PKN3: variants seen among roughly 807,000 people sequenced by gnomAD.
PKN3 encodes protein kinase N3.
PKN3 carries 91 observed loss-of-function variants against 113.1 expected under a neutral mutation model. The ratio of observed to expected loss-of-function variants is 0.80; its 90% CI spans 0.68 to 0.96. The LOEUF (loss-of-function observed/expected upper bound fraction) is 0.96, where lower values mean the gene tolerates loss of function less well. PKN3 is among the 40% of genes least tolerant of loss of function. The pLI, the probability that PKN3 is intolerant of heterozygous loss-of-function variation, is 0.00. For missense variants in PKN3, 1,052 were observed against 1,202.2 expected, an observed-to-expected ratio of 0.88 and a Z score of 1.85; for synonymous variants, 467 against 499.0, an observed-to-expected ratio of 0.94 and a Z score of 0.85.
At position 128,706,910 on chromosome 9, in the gene PKN3, G is replaced by A. The variant is rs774953118; in HGVS notation, c.538G>A (p.Ala180Thr). 4 of 1,614,060 alleles carry A rather than the reference G, an allele frequency of 2.5e-6. No individual in the cohort carries two copies. Among genetic ancestry groups the A allele is most frequent in the Non-Finnish European group, 3.4e-6 (4 of 1,180,046 alleles). ...CCTTCCCACAGGGCCTGAGCTGCTG[G>A]CGGAGGAGCTACAGCATCGACTGCA... ...GSPEPGPELL[A>T]EELQHRLHVE... is the part of the protein sequence containing the mutation. Residue 180 changes from alanine to threonine, a missense_variant, in exon 5 of 22, where the codon GCG becomes ACG. Physicochemically the swap from Ala to Thr is moderately conservative, Grantham distance 58 (BLOSUM62 0). Around this residue, in one of 2 missense-constraint regions of PKN3, gnomAD observed 719 missense variants for 759.4 expected, o/e 0.95. Transcript: ENST00000291906.
Position 128,720,223 on chromosome 9 carries a change from G to A in PKN3, c.2397G>A (p.Glu799=). 6.2e-7 allele frequency: 1 copy of A among 1,613,826 alleles called. No individual in the cohort carries two copies. The highest frequency in any genetic ancestry group is 8.5e-7 in the Non-Finnish European group (1 of 1,179,982). The change falls in exon 21 of 22, where the codon GAG becomes GAA. Residue 799 remains glutamate (E), a synonymous_variant. Transcript: ENST00000291906. The surrounding 1 kb of genome is among the most constrained non-coding windows in gnomAD (Gnocchi z 5.5). ...CCCAGCTCCTCCAGAAGTGCCCGGAGAAGCGCCTCGGGGCAGGTGAGCAGG... is the reference window on the plus strand; with the variant it reads ...CCCAGCTCCTCCAGAAGTGCCCGGAAAAGCGCCTCGGGGCAGGTGAGCAGG... ...FIQKLLQKCP[E]KRLGAGEQDA...
chr9:128,714,400 TCTGTGG>T, intron 11 of PKN3, 35 bp downstream of exon 11: 1 of 1,564,822 alleles, frequency 6.4e-7, no homozygotes, highest in Non-Finnish European at 8.8e-7. Flanking sequence ...TGCATGCTCC[TCTGTGG>T]CGGCTTCCTG....
chr9:128,714,582 C>A lies in PKN3; in HGVS notation c.1502C>A (p.Thr501Asn), dbSNP rs1185433021. ...ATPSNFLPKK[T>N]PLGEEMTPPP... ...TACAGTAATTTCCTGCCCAAGAAGA[C>A]CCCCTTGGGTGAAGAGATGACACCC... The change falls in exon 12 of 22, where the codon ACC becomes AAC. Residue 501 changes from threonine to asparagine, a missense_variant. This residue lies in a region of PKN3 where 719 missense variants were observed against 759.4 expected (regional missense o/e 0.95). Coordinates refer to ENST00000291906, the MANE Select transcript of PKN3 (RefSeq NM_013355.5). The A allele has an allele frequency of 4.0e-6, 5 of 1,252,504 alleles. No homozygotes were observed. The highest frequency in any genetic ancestry group is 2.9e-5 in the African/African-American group (2 of 68,232). The allele number at this position is 1,252,504 out of a possible 1,614,324, so 77.6% of individuals were successfully genotyped here.
Position 128,714,550 on chromosome 9 carries a change from T to G in PKN3, c.1482-12T>G. On this transcript the variant is annotated splice_polypyrimidine_tract_variant and intron_variant, in intron 11 of 21. Coordinates refer to ENST00000291906, the MANE Select transcript of PKN3 (RefSeq NM_013355.5). ...GCCTGTGCTGGGCACTGTGTCTACT[T>G]TCTCCCTACAGTAATTTCCTGCCCA... is the stretch of plus-strand genomic sequence containing the variant. 1 of 1,115,022 alleles carries G rather than the reference T, an allele frequency of 9.0e-7. No individual in the cohort carries two copies. The highest frequency in any genetic ancestry group is 1.4e-6 in the Non-Finnish European group (1 of 724,124). 69.1% of individuals were successfully genotyped at this position (1,115,022 alleles called of 1,614,324 possible). A position where few individuals can be genotyped will look rare whatever the true frequency, so the allele number is the denominator to read the frequency against.
Position 128,713,109 on chromosome 9 carries a change from G to A in PKN3, c.893G>A (p.Arg298His), listed in dbSNP as rs754859270. 1.1e-4 allele frequency: 180 copies of A among 1,611,876 alleles called. No homozygotes were observed. The highest frequency in any genetic ancestry group is 1.5e-4 in the Non-Finnish European group (175 of 1,179,262). The change falls in exon 7 of 22, where the codon CGC becomes CAC. Residue 298 changes from arginine to histidine, a missense_variant. By Grantham distance (29) the Arg-to-His change is conservative. Coordinates refer to ENST00000291906, the MANE Select transcript of PKN3 (RefSeq NM_013355.5). The stretch of plus-strand genomic sequence containing the variant: ...CAGTTGCTGACAGCCGTGCCTGGGC[G>A]CTCCCCAGCGGCCGCACTGGCCAGC... The part of the protein sequence containing the change: ...CEQLLTAVPG[R>H]SPAAALASSP...
At position 128,705,486 on chromosome 9, in the gene PKN3, G is replaced by A. The variant is rs780763936; in HGVS notation, c.208G>A (p.Glu70Lys). 12 of 1,560,100 alleles carry A rather than the reference G, an allele frequency of 7.7e-6. No individual in the cohort carries two copies. The highest frequency in any genetic ancestry group is 2.7e-5 in the African/African-American group (2 of 73,498). ...CCGCCGCCTGGAGCAGCTGCATGGC[G>A]AGCTGCGGGAGCTGCACGCCCGAAT... is the stretch of plus-strand genomic sequence containing the variant. ...SNRRLEQLHG[E>K]LRELHARILL... The change falls in exon 2 of 22, where the codon GAG (glutamate) becomes AAG (lysine). Residue 70 changes from glutamate (E) to lysine (K), a missense_variant. Glu to Lys is a moderately conservative substitution (Grantham distance 56, BLOSUM62 1). This residue lies in a region of PKN3 where 719 missense variants were observed against 759.4 expected (regional missense o/e 0.95). Transcript: ENST00000291906.
rs1427860330 is a variant in PKN3, at chr9:128,711,930, GCT to G, written c.836-1121_836-1120del. 2.0e-5 allele frequency among the ~76,000 whole-genome samples: 3 copies of G among 148,146 alleles called. No individual in the cohort carries two copies. The East Asian group carries it at 6.0e-4, about 30-fold the overall frequency. ...TTTTGTTTTGTTTGTTTTTTTTTGA[GCT>G]GGAGTCTTGCTCTGTCGCCCAGGCT... On this transcript the variant is annotated intron_variant, in intron 6 of 21. Transcript: ENST00000291906.
intron 12 of PKN3, 46 bp from the exon 13 acceptor site, chr9:128,714,752 G>C: frequency 1.3e-6 from 2 of 1,580,518 alleles, no homozygotes; most frequent in Non-Finnish European, 1.7e-6. Context: ...TGAAGGGAAA[G>C]AGAGAAGGAA....
In PKN3 at chr9:128,719,784, T is replaced by C; in HGVS notation, c.2224T>C (p.Trp742Arg). 6.3e-7 allele frequency: 1 copy of C among 1,593,046 alleles called. No homozygotes were observed. The highest frequency in any genetic ancestry group is 1.4e-5 in the African/African-American group (1 of 71,744). ...TQEAYTRAVD[W>R]WGLGVLLYEM... ...GGAGGCATACACACGGGCTGTGGAC[T>C]GGTGGGGGCTGGGTGTGCTGCTCTA... The change falls in exon 19 of 22, where the codon TGG becomes CGG. Residue 742 changes from tryptophan to arginine, a missense_variant. Transcript: ENST00000291906.
At chr9:128,716,458 C>T (rs1862341079) in intron 15 of PKN3, among the ~76,000 whole-genome samples, 1 of 152,076 alleles carries the variant, frequency 6.6e-6, no homozygotes, top group Non-Finnish European at 1.5e-5. Context: ...ATTAGCTGGG[C>T]GTGGTGGCGC....
chr9:128,707,114 C>G, intron 5 of PKN3, 91 bp downstream of exon 5: 3 of 1,593,810 alleles, frequency 1.9e-6, no homozygotes, highest in Non-Finnish European at 2.6e-6. Context: ...CGTGTAAAAG[C>G]AGGACTTCTC....
At position 128,714,480 on chromosome 9, in the gene PKN3, A is replaced by G. The variant is rs563961842; in HGVS notation, c.1482-82A>G. On this transcript the variant is annotated intron_variant, in intron 11 of 21. Transcript: ENST00000291906. ...TGCTCAGCCCGCTAACCCTCTGTCC[A>G]TCTCACTTTGGGTTGGTGTGTCCAT... is the stretch of plus-strand genomic sequence containing the variant. The G allele has an allele frequency of 2.6e-4, 281 of 1,100,506 alleles. 1 individual carries two copies. The African/African-American group carries it at 3.8e-3, about 15-fold the overall frequency. The allele number at this position is 1,100,506 out of a possible 1,614,324, so 68.2% of individuals were successfully genotyped here.
At chr9:128,714,516 C>G (rs1178735014) in intron 11 of PKN3, 46 bp from the exon 12 acceptor site, 1 of 962,814 alleles carries the variant, frequency 1.0e-6, no homozygotes, top group African/African-American at 1.6e-5. Context: ...CCTGCCAGCT[C>G]TTGCGTCTGC....
chr9:128,706,573 G>A (rs1205680817), intron 3 of PKN3, 140 bp from the exon 4 acceptor site: 1 of 642,710 alleles, frequency 1.6e-6, no homozygotes, highest in Non-Finnish European at 2.6e-6. Context: ...GTCCAACAAG[G>A]GAGGCTTGAC....
chr9:128,703,049 C>T, intron 1 of PKN3, 110 bp downstream of exon 1: 1 of 768,354 alleles, frequency 1.3e-6, no homozygotes, highest in Non-Finnish European at 1.9e-6. Context: ...CTCACCCGCG[C>T]CCCTTCCCTG....
chr9:128,720,442 G>C lies in PKN3; in HGVS notation c.2506G>C (p.Val836Leu), dbSNP rs757025045. ...LLARTIQPPF[V>L]PTLCGPADLR... The stretch of plus-strand genomic sequence containing the variant: ...CGCCCGCACCATCCAGCCCCCCTTC[G>C]TGCCTACCCTGTGTGGCCCTGCGGA... Residue 836 changes from valine (V) to leucine (L), a missense_variant, in exon 22 of 22, where the codon GTG (valine) becomes CTG (leucine). By Grantham distance (32) the Val-to-Leu change is conservative (BLOSUM62 1). Coordinates refer to ENST00000291906, the MANE Select transcript of PKN3 (RefSeq NM_013355.5). This position sits in a 1 kb window ranked among gnomAD's most constrained non-coding sequence, Gnocchi z 5.5. 1 of 1,613,148 alleles carries C rather than the reference G, an allele frequency of 6.2e-7. No individual in the cohort carries two copies. Among genetic ancestry groups the C allele is most frequent in the South Asian group, 1.1e-5 (1 of 91,076 alleles).
Position 128,716,795 on chromosome 9 carries a change from C to T in PKN3, c.1857C>T (p.His619=). 6.2e-7 allele frequency: 1 copy of T among 1,614,092 alleles called. No homozygotes were observed. Among genetic ancestry groups the T allele is most frequent in the Non-Finnish European group, 8.5e-7 (1 of 1,180,002 alleles). ...RILEAVGCTG[H]PFLLSLLACF... ...TGGAGGCTGTGGGCTGCACAGGGCA[C>T]CCTTTCCTGCTCTCCCTCCTTGCCT... The change falls in exon 16 of 22, where the codon CAC becomes CAT. Residue 619 remains histidine (H), a synonymous_variant. Transcript: ENST00000291906.
At chr9:128,718,728 G>A (rs558299985) in intron 18 of PKN3, 103 bp downstream of exon 18, 17 of 1,096,800 alleles carry the variant, frequency 1.5e-5, no homozygotes, top group South Asian at 1.0e-4. Context: ...CCTCACCTGC[G>A]GATGCCCTGG....
chr9:128,718,898 G>GTTTTTTTTTTTTTT lies in PKN3; in HGVS notation c.2125+276_2125+277insTTTTTTTTTTTTTT, dbSNP rs1564378313. ...AGTTCTGCCTTCTGTTTTTTTTTTGGTTTGTTTTTTTTTTTGAGACGGAGT... is the reference window on the plus strand; with the variant it reads ...AGTTCTGCCTTCTGTTTTTTTTTTGGTTTTTTTTTTTTTTTTTGTTTTTTTTTTTGAGACGGAGT... On this transcript the variant is annotated intron_variant, in intron 18 of 21. Transcript: ENST00000291906. 8.1e-5 allele frequency among the ~76,000 whole-genome samples: 2 copies of GTTTTTTTTTTTTTT among 24,540 alleles called. 1 individual carries two copies. Among genetic ancestry groups the GTTTTTTTTTTTTTT allele is most frequent in the Non-Finnish European group, 1.8e-4 (2 of 11,210 alleles). 16.1% of individuals were successfully genotyped at this position (24,540 alleles called of 152,430 possible).
Sources: allele counts gnomAD v4.1 joint callset (sites outside exome capture counted in the v4.1 genomes callset), GRCh38; gene constraint gnomAD v4.1.1; regional missense constraint gnomAD v4.1.1; non-coding constraint Gnocchi (gnomAD v3.1); transcripts MANE v1.5; gene names NCBI Gene and HGNC (gene_info 2026-07-23, HGNC 2026-07-21).